Variants in ASS1 observed in about 807,000 individuals in gnomAD.
The protein encoded by ASS1 is argininosuccinate synthase 1.
ASS1 carries 58 observed loss-of-function variants against 60.5 expected under a neutral mutation model. The ratio of observed to expected loss-of-function variants is 0.96; its 90% CI spans 0.78 to 1.19. ASS1 has a LOEUF of 1.19. Among genes scored for constraint, ASS1 ranks in the 50% most tolerant of loss-of-function variants. The probability of loss-of-function intolerance (pLI) is 0.00; values close to 1 mark genes in which losing one functional copy is unlikely to be tolerated. For synonymous variants in ASS1, 200 were observed against 206.9 expected (o/e 0.97, Z 0.29); for missense variants, 454 against 547.3 (o/e 0.83, Z 1.70).
In ASS1 at chr9:130,478,760, T is replaced by C. The variant is rs1241772761; in HGVS notation, c.689-956T>C. 3.3e-5 allele frequency among the ~76,000 whole-genome samples: 5 copies of C among 152,104 alleles called. No individual in the cohort carries two copies. Among genetic ancestry groups the C allele is most frequent in the Non-Finnish European group, 7.3e-5 (5 of 68,036 alleles). ...GGTGAGAGGGGCTTAAGGTTCATTATTGGGCAGACTTACATTTAATAGCAA... is the reference window on the plus strand; with the variant it reads ...GGTGAGAGGGGCTTAAGGTTCATTACTGGGCAGACTTACATTTAATAGCAA... On this transcript the variant is annotated intron_variant, in intron 9 of 14. Coordinates refer to ENST00000352480, the MANE Select transcript of ASS1 (RefSeq NM_054012.4). This position sits in a 1 kb window ranked among gnomAD's most constrained non-coding sequence, Gnocchi z 4.7.
chr9:130,488,027 T>A lies in ASS1; in HGVS notation c.839-1306T>A, dbSNP rs1846350479. 6.6e-6 allele frequency among the ~76,000 whole-genome samples: 1 copy of A among 152,156 alleles called. No individual in the cohort carries two copies. On this transcript the variant is annotated intron_variant, in intron 11 of 14. Coordinates refer to ENST00000352480, the MANE Select transcript of ASS1 (RefSeq NM_054012.4). The surrounding 1 kb of genome is among the most constrained non-coding windows in gnomAD (Gnocchi z 5.2). ...GCCTCGGCCTCCCAAAGTGCTAGAA[T>A]TATTACAGTCATGAGCCACTGTGCC... is the stretch of plus-strand genomic sequence containing the variant.
intron 8 of ASS1, among the ~76,000 whole-genome samples, chr9:130,472,351 C>T (rs1323988999): frequency 1.3e-5 from 2 of 152,096 alleles, no homozygotes; most frequent in Admixed American, 6.5e-5. Context: ...CCCCAGGGCC[C>T]GGGCGTCTGT....
chr9:130,468,567 A>G (rs1434232647), intron 6 of ASS1, among the ~76,000 whole-genome samples: 1 of 152,088 alleles, frequency 6.6e-6, no homozygotes, highest in African/African-American at 2.4e-5. Flanking sequence ...GTGCCCTAGT[A>G]CATCTGGCTA....
At position 130,477,734 on chromosome 9, in the gene ASS1, G is replaced by A. The variant is rs1217542345; in HGVS notation, c.688+773G>A. ...AGGGGTACCTTTTCAGGAGGCTGGA[G>A]TGATCAGGGAGGCTTCCTGGAGGAG... is the stretch of plus-strand genomic sequence containing the variant. On this transcript the variant is annotated intron_variant, in intron 9 of 14. Coordinates refer to ENST00000352480, the MANE Select transcript of ASS1 (RefSeq NM_054012.4). The surrounding 1 kb of genome is among the most constrained non-coding windows in gnomAD (Gnocchi z 4.2). 6.6e-6 allele frequency among the ~76,000 whole-genome samples: 1 copy of A among 152,236 alleles called. No individual in the cohort carries two copies. Among genetic ancestry groups the A allele is most frequent in the Non-Finnish European group, 1.5e-5 (1 of 68,036 alleles).
At chr9:130,445,311 A>T in intron 1 of ASS1, 1 of 880,706 alleles carries the variant, frequency 1.1e-6, no homozygotes, top group Non-Finnish European at 1.4e-6. Flanking sequence ...TCCTTTCTGG[A>T]CTCCTTGTCG....
At chr9:130,454,455 TC>T in intron 3 of ASS1, 82 bp downstream of exon 3, 1 of 1,368,504 alleles carries the variant, frequency 7.3e-7, no homozygotes, top group Non-Finnish European at 1.0e-6. Context: ...GCCCCAGGGA[TC>T]CCATCCCTTC....
intron 13 of ASS1, among the ~76,000 whole-genome samples, chr9:130,495,810 G>C (rs1253198575): frequency 6.6e-6 from 1 of 152,166 alleles, no homozygotes; most frequent in African/African-American, 2.4e-5. Flanking sequence ...TATCTAGGAG[G>C]AGGGATTGAA....
At position 130,491,633 on chromosome 9, in the gene ASS1, T is replaced by C. The variant is rs1314126361; in HGVS notation, c.970+2169T>C. 1.3e-5 allele frequency among the ~76,000 whole-genome samples: 2 copies of C among 152,188 alleles called. No individual in the cohort carries two copies. Among genetic ancestry groups the C allele is most frequent in the Non-Finnish European group, 2.9e-5 (2 of 68,028 alleles). Reference sequence around the variant, plus strand: ...GGCACAGACAGGGGAACCCTGGGTGTAGGGCACAGTTTGGCTCCTGGCTGC... The same window carrying C: ...GGCACAGACAGGGGAACCCTGGGTGCAGGGCACAGTTTGGCTCCTGGCTGC... On this transcript the variant is annotated intron_variant, in intron 12 of 14. Coordinates refer to ENST00000352480, the MANE Select transcript of ASS1 (RefSeq NM_054012.4). The surrounding 1 kb of genome is among the most constrained non-coding windows in gnomAD (Gnocchi z 5.3).
chr9:130,462,481 C>A (rs1363720129), intron 4 of ASS1, among the ~76,000 whole-genome samples: 1 of 152,100 alleles, frequency 6.6e-6, no homozygotes, highest in Non-Finnish European at 1.5e-5. Flanking sequence ...AGAGTTTGAA[C>A]CAAGGAAGCG....
chr9:130,464,522 T>C (rs1271410068), intron 5 of ASS1, among the ~76,000 whole-genome samples: 2 of 151,704 alleles, frequency 1.3e-5, no homozygotes, highest in African/African-American at 2.4e-5. Flanking sequence ...CAGGTGCGGG[T>C]GGGGATGGCT....
chr9:130,445,548 T>TC (rs1554981029), intron 1 of ASS1, among the ~76,000 whole-genome samples: 2 of 152,126 alleles, frequency 1.3e-5, no homozygotes, highest in Non-Finnish European at 2.9e-5. Flanking sequence ...CTGGCTCCCT[T>TC]CCCTGCAGGG....
intron 11 of ASS1, among the ~76,000 whole-genome samples, chr9:130,481,685 C>T (rs1846180070): frequency 1.3e-5 from 2 of 152,336 alleles, no homozygotes; most frequent in South Asian, 2.1e-4. Context: ...TTGCATCACT[C>T]TGGCTCTGAC....
intron 4 of ASS1, among the ~76,000 whole-genome samples, chr9:130,461,766 C>T (rs1845600678): frequency 6.6e-6 from 1 of 152,212 alleles, no homozygotes; most frequent in Admixed American, 6.5e-5. Flanking sequence ...GCTGGTCCAG[C>T]CTTCAGGCAT....
chr9:130,466,633 C>A lies in ASS1; in HGVS notation c.421-92C>A, dbSNP rs2131882407. ...GGGACATGCTGGAGACCCCCATGGG[C>A]CCCTCCCAGGAGAGGCCAGCTCTGC... is the stretch of plus-strand genomic sequence containing the variant. On this transcript the variant is annotated intron_variant, in intron 5 of 14. Coordinates refer to ENST00000352480, the MANE Select transcript of ASS1 (RefSeq NM_054012.4). The A allele has an allele frequency of 3.2e-6, 4 of 1,252,256 alleles. No individual in the cohort carries two copies. The East Asian group carries it at 9.4e-5, about 30-fold the overall frequency. 77.6% of individuals were successfully genotyped at this position (1,252,256 alleles called of 1,614,324 possible).
chr9:130,481,357 G>C (rs1342869389), intron 11 of ASS1, among the ~76,000 whole-genome samples: 2 of 152,284 alleles, frequency 1.3e-5, no homozygotes, highest in African/African-American at 4.8e-5. Flanking sequence ...TTTTATACTG[G>C]TGGTGGGGTC....
At chr9:130,453,950 A>AG (rs1403245791) in intron 2 of ASS1, among the ~76,000 whole-genome samples, 1 of 152,246 alleles carries the variant, frequency 6.6e-6, no homozygotes, top group Non-Finnish European at 1.5e-5. Context: ...GCACTGGCTG[A>AG]GAAAGAGTTT....
intron 6 of ASS1, among the ~76,000 whole-genome samples, chr9:130,469,518 C>T (rs1317677620): frequency 6.6e-6 from 1 of 152,028 alleles, no homozygotes; most frequent in Non-Finnish European, 1.5e-5. Context: ...TCAAGTGATG[C>T]TCCTACCTCA....
intron 13 of ASS1, among the ~76,000 whole-genome samples, chr9:130,495,408 C>A (rs893682995): frequency 2.7e-5 from 4 of 150,570 alleles, no homozygotes; most frequent in Non-Finnish European, 5.9e-5. Context: ...CATAGAAAGA[C>A]CTTGTCTCAA....
chr9:130,497,777 A>G lies in ASS1; in HGVS notation c.1128-1728A>G, dbSNP rs114048541. 5.9e-3 allele frequency among the ~76,000 whole-genome samples: 891 copies of G among 152,266 alleles called. 7 individuals are homozygous for G. The highest frequency in any genetic ancestry group is 0.019 in the African/African-American group (805 of 41,540). On this transcript the variant is annotated intron_variant, in intron 13 of 14. Transcript: ENST00000352480. The stretch of plus-strand genomic sequence containing the variant: ...CAGAGGTGGGGGGATTCTGTGTCCT[A>G]CGTTCTCCCTGGGCTGAGTATAGGG...
Sources: gnomAD v4.1 joint callset for allele counts (sites outside exome capture counted in the v4.1 genomes callset) on GRCh38, gnomAD v4.1.1 for gene constraint, Gnocchi (gnomAD v3.1) non-coding constraint, MANE v1.5 for transcripts, NCBI Gene and HGNC (gene_info 2026-07-23, HGNC 2026-07-21) for gene names.